Variants in CNNM2 observed in about 807,000 individuals in gnomAD.
CNNM2 encodes the protein cyclin and CBS domain divalent metal cation transport mediator 2, also known as metal transporter CNNM2.
In CNNM2, 12 loss-of-function variants were observed where a neutral mutation model predicts 66.9. The observed-to-expected ratio is 0.18, with a 90% CI of 0.11 to 0.29. The LOEUF (loss-of-function observed/expected upper bound fraction) is 0.29, where lower values mean the gene tolerates loss of function less well. Ranked by LOEUF, CNNM2 falls within the 10% of genes least tolerant of loss-of-function variation. The pLI is 1.00. For missense variants in CNNM2, 705 were observed against 1,167.7 expected (o/e 0.60, Z 5.77); for synonymous variants, 557 against 501.8 (o/e 1.11, Z -1.47).
chr10:103,023,975 A>G (rs1010190552), intron 1 of CNNM2, among the ~76,000 whole-genome samples: 26 of 152,300 alleles, frequency 1.7e-4, no homozygotes, highest in African/African-American at 5.5e-4. Context: ...CTGTTTTTGC[A>G]TACTTCTTCC....
At chr10:102,920,376 A>ATT (rs752188951) in intron 1 of CNNM2, among the ~76,000 whole-genome samples, 18 of 143,428 alleles carry the variant, frequency 1.3e-4, no homozygotes, top group African/African-American at 4.5e-4. Context: ...ACACTTATTT[A>ATT]TTTTTTTTTT....
intron 1 of CNNM2, among the ~76,000 whole-genome samples, chr10:103,042,643 A>T (rs1333341875): frequency 6.6e-6 from 1 of 152,202 alleles, no homozygotes; most frequent in Non-Finnish European, 1.5e-5. Context: ...GTGTGACTAT[A>T]GTTCATTGTT....
intron 1 of CNNM2, among the ~76,000 whole-genome samples, chr10:102,930,047 A>G (rs1204501476): frequency 6.6e-6 from 1 of 152,196 alleles, no homozygotes; most frequent in Non-Finnish European, 1.5e-5. Context: ...GTGATCCAAG[A>G]GAAGAAAAGA....
At chr10:102,923,358 A>G (rs1845727635) in intron 1 of CNNM2, among the ~76,000 whole-genome samples, 2 of 152,232 alleles carry the variant, frequency 1.3e-5, no homozygotes, top group African/African-American at 4.8e-5. Context: ...TTTAAATCTC[A>G]AATGGCTGAA....
chr10:102,999,155 C>T (rs980915759), intron 1 of CNNM2, among the ~76,000 whole-genome samples: 2 of 151,632 alleles, frequency 1.3e-5, no homozygotes, highest in Non-Finnish European at 2.9e-5. Context: ...ACTGCAAGCT[C>T]CGCCTCCTGG....
At chr10:102,975,348 A>G (rs1418477443) in intron 1 of CNNM2, among the ~76,000 whole-genome samples, 2 of 152,132 alleles carry the variant, frequency 1.3e-5, no homozygotes, top group Non-Finnish European at 2.9e-5. Flanking sequence ...ACTGACAGTA[A>G]TCACTTAGCC....
intron 1 of CNNM2, among the ~76,000 whole-genome samples, chr10:102,995,984 G>T (rs1415651857): frequency 6.6e-6 from 1 of 152,200 alleles, no homozygotes; most frequent in African/African-American, 2.4e-5. Flanking sequence ...ACAGGCATGA[G>T]CCACCGTGCC....
chr10:103,026,733 T>C (rs2064715146), intron 1 of CNNM2, among the ~76,000 whole-genome samples: 2 of 152,074 alleles, frequency 1.3e-5, no homozygotes, highest in African/African-American at 4.8e-5. Flanking sequence ...GCATTCAGTG[T>C]GCTGTGGGCC....
intron 2 of CNNM2, among the ~76,000 whole-genome samples, 173 bp downstream of exon 2, chr10:103,050,023 C>T (rs535334894): frequency 3.3e-5 from 5 of 152,062 alleles, no homozygotes; most frequent in Non-Finnish European, 7.3e-5. Context: ...AAGGAGCAGA[C>T]CCTGTAATGT....
intron 1 of CNNM2, among the ~76,000 whole-genome samples, chr10:103,015,886 CAGAA>C (rs1038605915): frequency 1.3e-5 from 2 of 152,002 alleles, no homozygotes; most frequent in Non-Finnish European, 2.9e-5. Context: ...ACAAAAAACT[CAGAA>C]AGGTGCCCCT....
At chr10:103,027,814 A>G (rs2064736122) in intron 1 of CNNM2, among the ~76,000 whole-genome samples, 2 of 152,178 alleles carry the variant, frequency 1.3e-5, no homozygotes, top group African/African-American at 2.4e-5. Context: ...AGCACTTACT[A>G]TGTGCCAGGC....
At chr10:103,016,080 G>T (rs1208986191) in intron 1 of CNNM2, among the ~76,000 whole-genome samples, 1 of 152,004 alleles carries the variant, frequency 6.6e-6, no homozygotes, top group Non-Finnish European at 1.5e-5. Context: ...CTCCTTTGTA[G>T]ACTTTCTGAC....
rs184308720 is a variant in CNNM2, at chr10:102,993,168, A to G, written c.1622-56539A>G. ...TGGTCTCCTTTGAGCCTACCATAGCATTTGGATTTACCATCATTATGTTTA... is the reference window on the plus strand; with the variant it reads ...TGGTCTCCTTTGAGCCTACCATAGCGTTTGGATTTACCATCATTATGTTTA... On this transcript the variant is annotated intron_variant, in intron 1 of 7. Transcript: ENST00000369878. 2.0e-3 allele frequency among the ~76,000 whole-genome samples: 303 copies of G among 152,326 alleles called. 2 individuals are homozygous for G. In the Middle Eastern group the frequency reaches 0.024, roughly 12 times the overall value.
chr10:102,961,706 A>G (rs2063382023), intron 1 of CNNM2, among the ~76,000 whole-genome samples: 1 of 152,126 alleles, frequency 6.6e-6, no homozygotes, highest in Non-Finnish European at 1.5e-5. Context: ...AGAATAGTCA[A>G]ATGGATTTTG....
intron 1 of CNNM2, among the ~76,000 whole-genome samples, chr10:103,029,716 A>T (rs370409625): frequency 1.3e-5 from 2 of 152,028 alleles, no homozygotes; most frequent in African/African-American, 4.8e-5. Flanking sequence ...ACAAAAAAAA[A>T]TTAGCCAGGC....
At chr10:102,947,072 A>G (rs1395254099) in intron 1 of CNNM2, among the ~76,000 whole-genome samples, 1 of 152,080 alleles carries the variant, frequency 6.6e-6, no homozygotes, top group Non-Finnish European at 1.5e-5. Context: ...TTTTTTTCTC[A>G]TAAATACTAA....
At chr10:102,985,435 C>G (rs148430346) in intron 1 of CNNM2, among the ~76,000 whole-genome samples, 1 of 152,272 alleles carries the variant, frequency 6.6e-6, no homozygotes, top group African/African-American at 2.4e-5. Flanking sequence ...CTGAAAGCTT[C>G]TTTACATACC....
At chr10:103,005,973 T>C (rs931416720) in intron 1 of CNNM2, among the ~76,000 whole-genome samples, 3 of 151,998 alleles carry the variant, frequency 2.0e-5, no homozygotes, top group Non-Finnish European at 2.9e-5. Context: ...AAGCTCATGG[T>C]TATATATAGA....
At chr10:103,059,542 C>G (rs1293738894) in intron 4 of CNNM2, among the ~76,000 whole-genome samples, 4 of 152,090 alleles carry the variant, frequency 2.6e-5, no homozygotes, top group African/African-American at 9.7e-5. Flanking sequence ...CATAAAAAAG[C>G]CAAAACTTCA....
Sources: gnomAD v4.1 joint callset for allele counts (sites outside exome capture counted in the v4.1 genomes callset) on GRCh38, gnomAD v4.1.1 for gene constraint, MANE v1.5 for transcripts, NCBI Gene and HGNC (gene_info 2026-07-23, HGNC 2026-07-21) for gene names.